The following MEIS1 variants were observed in gnomAD, a reference collection of about 807,000 sequenced individuals.
The protein encoded by MEIS1 is homeobox protein Meis1.
A neutral mutation model predicts 50.8 loss-of-function variants in MEIS1; 5 were observed. That is an observed-to-expected ratio of 0.10 (90% CI 0.05 to 0.21). The LOEUF (loss-of-function observed/expected upper bound fraction) is 0.21. Among genes scored for constraint, MEIS1 ranks in the 10% least tolerant of loss-of-function variants. The pLI is 1.00. For synonymous variants in MEIS1, 176 were observed against 179.3 expected (o/e 0.98, Z 0.15); for missense variants, 318 against 517.3 (o/e 0.61, Z 3.74).
chr2:66,498,483 A>G (rs772476451), intron 7 of MEIS1, among the ~76,000 whole-genome samples: 2 of 152,108 alleles, frequency 1.3e-5, no homozygotes, highest in African/African-American at 2.4e-5. Flanking sequence ...GCAAGAAGTG[A>G]GGTATTATAC....
At chr2:66,544,724 T>C (rs1245411946) in intron 8 of MEIS1, among the ~76,000 whole-genome samples, 2 of 152,154 alleles carry the variant, frequency 1.3e-5, no homozygotes, top group African/African-American at 2.4e-5. Flanking sequence ...CTAGCAATTA[T>C]GCTGCATGAA....
chr2:66,558,742 G>A (rs1572903756), intron 9 of MEIS1, among the ~76,000 whole-genome samples: 1 of 152,170 alleles, frequency 6.6e-6, no homozygotes, highest in African/African-American at 2.4e-5. Flanking sequence ...TCCAGGTCTA[G>A]AGGTTTATGG....
chr2:66,476,389 C>T (rs1672892440), intron 7 of MEIS1, among the ~76,000 whole-genome samples: 1 of 152,122 alleles, frequency 6.6e-6, no homozygotes. Context: ...GAGAGGATTA[C>T]TCCCAAAGAT....
intron 8 of MEIS1, among the ~76,000 whole-genome samples, chr2:66,516,607 G>A (rs778112206): frequency 7.3e-4 from 110 of 150,660 alleles, no homozygotes; most frequent in Non-Finnish European, 1.3e-3. Flanking sequence ...GTGTGTGTGC[G>A]GCCAAATTTA....
chr2:66,569,182 T>G, intron 12 of MEIS1, 37 bp downstream of exon 12: 7 of 1,549,084 alleles, frequency 4.5e-6, no homozygotes, highest in Non-Finnish European at 5.3e-6. Flanking sequence ...CACTTTGTCC[T>G]AGGAATATTT....
chr2:66,542,393 A>C (rs973631200), intron 8 of MEIS1, among the ~76,000 whole-genome samples: 2 of 152,112 alleles, frequency 1.3e-5, no homozygotes, highest in Non-Finnish European at 2.9e-5. Context: ...AAAGGGCTGG[A>C]GGAAAAAGGA....
At chr2:66,487,965 T>C (rs1464575256) in intron 7 of MEIS1, among the ~76,000 whole-genome samples, 1 of 152,248 alleles carries the variant, frequency 6.6e-6, no homozygotes, top group Admixed American at 6.5e-5. Context: ...GCGTCAGTAA[T>C]AGCCATCAAA....
At chr2:66,440,818 C>T (rs1038751986) in intron 4 of MEIS1, 1 of 574,080 alleles carries the variant, frequency 1.7e-6, no homozygotes, top group Non-Finnish European at 3.1e-6. Flanking sequence ...GCCGGGCGAG[C>T]CAGCGCGGGG....
rs1671978300 is a variant in MEIS1 at position 66,441,394 on chromosome 2, T to C, written c.433-20T>C. 6.5e-7 allele frequency: 1 copy of C among 1,540,586 alleles called. No homozygotes were observed. The highest frequency in any genetic ancestry group is 8.7e-7 in the Non-Finnish European group (1 of 1,144,148). On this transcript the variant is annotated intron_variant, in intron 4 of 12. Transcript: ENST00000272369. Reference sequence around the variant, plus strand: ...CTGCAAGCCAGGAATGGGGTGCTTATTGTTTTTGTATCTTTGCAGATGATT... The same window carrying C: ...CTGCAAGCCAGGAATGGGGTGCTTACTGTTTTTGTATCTTTGCAGATGATT...
At chr2:66,558,418 A>C (rs115628303) in intron 9 of MEIS1, among the ~76,000 whole-genome samples, 1 of 152,242 alleles carries the variant, frequency 6.6e-6, no homozygotes, top group African/African-American at 2.4e-5. Flanking sequence ...ATTTTCAAAG[A>C]TTTGACAGAT....
chr2:66,450,442 A>T (rs1672251670), intron 6 of MEIS1, among the ~76,000 whole-genome samples: 1 of 152,154 alleles, frequency 6.6e-6, no homozygotes, highest in Admixed American at 6.5e-5. Flanking sequence ...TGTCTCAAAA[A>T]CAAGACCAAA....
intron 7 of MEIS1, among the ~76,000 whole-genome samples, chr2:66,482,108 C>T (rs914275528): frequency 4.6e-5 from 7 of 152,072 alleles, no homozygotes; most frequent in Non-Finnish European, 7.4e-5. Flanking sequence ...GATCTGCCTA[C>T]GTCGGCCTCC....
chr2:66,572,199 G>A lies in MEIS1; in HGVS notation c.*991G>A, dbSNP rs188555663. The A allele has an allele frequency of 2.6e-5, 4 of 152,330 alleles. No individual in the cohort carries two copies. The highest frequency in any genetic ancestry group is 4.8e-5 in the African/African-American group (2 of 41,552). The allele number at this position is 152,330 out of a possible 1,614,324, so 9.4% of individuals were successfully genotyped here. On this transcript the variant is annotated 3_prime_UTR_variant, in exon 13 of 13. Transcript: ENST00000272369. The stretch of plus-strand genomic sequence containing the variant: ...GTCTTAAGGAGACTGGTAGGAGGAG[G>A]CATGGAAACCAAAAGGCCGTGTGTT...
intron 2 of MEIS1, chr2:66,439,249 A>C: frequency 1.9e-6 from 2 of 1,033,108 alleles, no homozygotes; most frequent in Non-Finnish European, 2.3e-6. Flanking sequence ...AGGGAGGGGA[A>C]TGTGCGTGGA....
intron 8 of MEIS1, among the ~76,000 whole-genome samples, chr2:66,542,044 A>G (rs2103917935): frequency 6.6e-6 from 1 of 152,340 alleles, no homozygotes; most frequent in South Asian, 2.1e-4. Context: ...TTCACAGTCA[A>G]TGCAGGAGGG....
intron 8 of MEIS1, among the ~76,000 whole-genome samples, 165 bp from the exon 9 acceptor site, chr2:66,547,778 G>A (rs1572895663): frequency 6.6e-6 from 1 of 152,088 alleles, no homozygotes; most frequent in Non-Finnish European, 1.5e-5. Flanking sequence ...TTTGTAATTG[G>A]CTTGTCTTTT....
At chr2:66,461,228 T>A (rs56140114) in intron 6 of MEIS1, among the ~76,000 whole-genome samples, 2,216 of 152,284 alleles carry the variant, frequency 0.015, 64 homozygotes, top group African/African-American at 0.051. Context: ...ATAATAATGA[T>A]GTTGTTTGGT....
intron 7 of MEIS1, among the ~76,000 whole-genome samples, chr2:66,504,488 G>C (rs1302720678): frequency 6.6e-6 from 1 of 151,924 alleles, no homozygotes; most frequent in African/African-American, 2.4e-5. Flanking sequence ...CACCCGCCTC[G>C]GTCTCCCAAA....
intron 8 of MEIS1, among the ~76,000 whole-genome samples, chr2:66,525,836 A>G (rs1240912752): frequency 6.6e-6 from 1 of 152,246 alleles, no homozygotes. Context: ...ATATGCAGCG[A>G]CGGAAGTTAT....
Sources: allele counts gnomAD v4.1 joint callset (sites outside exome capture counted in the v4.1 genomes callset), GRCh38; gene constraint gnomAD v4.1.1; transcripts MANE v1.5; gene names NCBI Gene and HGNC (gene_info 2026-07-23, HGNC 2026-07-21).